ABCC5: variants seen among roughly 807,000 people sequenced by gnomAD.
The protein encoded by ABCC5 is ATP binding cassette subfamily C member 5.
A neutral mutation model predicts 160.9 loss-of-function variants in ABCC5; 61 were observed. The observed-to-expected ratio is 0.38, with a 90% CI of 0.31 to 0.47. The LOEUF (loss-of-function observed/expected upper bound fraction) is 0.47, where lower values mean the gene tolerates loss of function less well. Among genes scored for constraint, ABCC5 ranks in the 20% least tolerant of loss-of-function variants. The probability of loss-of-function intolerance (pLI) is 0.99; values close to 1 mark genes in which losing one functional copy is unlikely to be tolerated. For synonymous variants in ABCC5, 666 were observed against 700.6 expected (o/e 0.95, Z 0.78); for missense variants, 1,308 against 1,813.3 (o/e 0.72, Z 5.06).
intron 24 of ABCC5, among the ~76,000 whole-genome samples, chr3:183,944,129 C>T (rs1271001987): frequency 6.6e-6 from 1 of 152,202 alleles, no homozygotes; most frequent in Non-Finnish European, 1.5e-5. Flanking sequence ...ACTATGGCTC[C>T]TGTCTATAAT....
chr3:183,932,299 T>C (rs2108766690), intron 26 of ABCC5, among the ~76,000 whole-genome samples: 2 of 152,212 alleles, frequency 1.3e-5, no homozygotes, highest in African/African-American at 4.8e-5. Flanking sequence ...TCAGATTAGG[T>C]GAAAAAAGTT....
intron 2 of ABCC5, among the ~76,000 whole-genome samples, chr3:183,996,271 C>A (rs1720277701): frequency 6.6e-6 from 1 of 152,146 alleles, no homozygotes; most frequent in Non-Finnish European, 1.5e-5. Flanking sequence ...TTACCGAGTG[C>A]CTCCGATCTG....
chr3:183,938,156 T>C, intron 25 of ABCC5, 96 bp from the exon 26 acceptor site: 2 of 1,247,158 alleles, frequency 1.6e-6, no homozygotes, highest in Non-Finnish European at 2.3e-6. Context: ...TATTTTTCCA[T>C]TTCTATTCAG....
chr3:184,005,832 A>G (rs2108909593), intron 2 of ABCC5, among the ~76,000 whole-genome samples: 1 of 152,228 alleles, frequency 6.6e-6, no homozygotes, highest in East Asian at 1.9e-4. Context: ...CTGTGGAAAC[A>G]ATATTTCATT....
intron 5 of ABCC5, chr3:183,983,344 C>T (rs1352789866): frequency 3.2e-6 from 1 of 316,236 alleles, no homozygotes; most frequent in African/African-American, 2.1e-5. Context: ...AGTATCTCCA[C>T]ACATGGATAC....
intron 10 of ABCC5, among the ~76,000 whole-genome samples, chr3:183,973,573 A>G (rs964304309): frequency 6.6e-6 from 1 of 152,002 alleles, no homozygotes; most frequent in Non-Finnish European, 1.5e-5. Context: ...CCTCTCCCCA[A>G]AAACAAACCC....
rs766373469 is a variant in ABCC5, at chr3:183,982,825, T to C, written c.774A>G (p.Ala258=). The change falls in exon 6 of 30, where the codon GCA becomes GCG. Residue 258 remains alanine (A), a synonymous_variant. Transcript: ENST00000334444. The surrounding 1 kb of genome is among the most constrained non-coding windows in gnomAD (Gnocchi z 5.2). ...TCTTTAACTTAAGGATCTTCTTAAATGCCATGGTTAGGATGGCCCCCCGCA... is the reference window on the plus strand; with the variant it reads ...TCTTTAACTTAAGGATCTTCTTAAACGCCATGGTTAGGATGGCCCCCCGCA... ...VRLRGAILTM[A]FKKILKLKNI... 53 of 1,614,102 alleles carry C rather than the reference T, an allele frequency of 3.3e-5. No homozygotes were observed. The highest frequency in any genetic ancestry group is 4.3e-5 in the Non-Finnish European group (51 of 1,180,046).
At position 183,920,717 on chromosome 3, in the gene ABCC5, C is replaced by T. The variant is rs1711892461; in HGVS notation, c.*583G>A. 6.5e-6 allele frequency: 1 copy of T among 152,710 alleles called. No individual in the cohort carries two copies. Among genetic ancestry groups the T allele is most frequent in the South Asian group, 2.1e-4 (1 of 4,822 alleles). The allele number at this position is 152,710 out of a possible 1,614,324, so 9.5% of individuals were successfully genotyped here. A position where few individuals can be genotyped will look rare whatever the true frequency, so the allele number is the denominator to read the frequency against. ...CCGTCTCCAGCCACCCCTGGAGCGG[C>T]CGTGGGGAGGCGGCAGAGGGGGCTG... On this transcript the variant is annotated 3_prime_UTR_variant, in exon 30 of 30. Coordinates refer to ENST00000334444, the MANE Select transcript of ABCC5 (RefSeq NM_005688.4). The surrounding 1 kb of genome is among the most constrained non-coding windows in gnomAD (Gnocchi z 4.1).
At chr3:183,970,647 G>A (rs1717655006) in intron 11 of ABCC5, among the ~76,000 whole-genome samples, 1 of 152,078 alleles carries the variant, frequency 6.6e-6, no homozygotes, top group Non-Finnish European at 1.5e-5. Context: ...ATATTGGCCA[G>A]GCTGGTCTTG....
At chr3:183,970,111 C>T (rs1717598248) in intron 11 of ABCC5, among the ~76,000 whole-genome samples, 1 of 152,200 alleles carries the variant, frequency 6.6e-6, no homozygotes, top group African/African-American at 2.4e-5. Context: ...GCTGTGAATC[C>T]TCCAAAGGCT....
At chr3:183,946,516 A>AT (rs1403768747) in intron 23 of ABCC5, among the ~76,000 whole-genome samples, 1 of 152,162 alleles carries the variant, frequency 6.6e-6, no homozygotes, top group Non-Finnish European at 1.5e-5. Flanking sequence ...TTGACTATTT[A>AT]TTTTTATCTT....
chr3:183,960,869 T>A (rs887192889), intron 16 of ABCC5, among the ~76,000 whole-genome samples: 1 of 151,998 alleles, frequency 6.6e-6, no homozygotes, highest in African/African-American at 2.4e-5. Flanking sequence ...CACTGCAACC[T>A]CTGCCTCCTG....
chr3:184,016,901 T>G (rs536869620), intron 1 of ABCC5, among the ~76,000 whole-genome samples: 94 of 152,194 alleles, frequency 6.2e-4, no homozygotes, highest in Middle Eastern at 3.2e-3. Context: ...ACCAGACTGG[T>G]GTGTGCAAGC....
At chr3:183,995,816 G>T (rs1720227655) in intron 2 of ABCC5, among the ~76,000 whole-genome samples, 1 of 150,924 alleles carries the variant, frequency 6.6e-6, no homozygotes. Flanking sequence ...TCTTGTTGTT[G>T]TTTTTTTTTA....
chr3:183,946,005 G>T (rs1054277435), intron 23 of ABCC5, 66 bp from the exon 24 acceptor site: 8 of 1,433,696 alleles, frequency 5.6e-6, no homozygotes, highest in Admixed American at 1.7e-5. Context: ...CAATGCTGGA[G>T]AACTTCCTTC....
At position 183,963,330 on chromosome 3, in the gene ABCC5, C is replaced by T; in HGVS notation, c.2235+55G>A. On this transcript the variant is annotated intron_variant, in intron 15 of 29. Coordinates refer to ENST00000334444, the MANE Select transcript of ABCC5 (RefSeq NM_005688.4). This position sits in a 1 kb window ranked among gnomAD's most constrained non-coding sequence, Gnocchi z 4.6. ...AGGATACCTGGAGCAAACCTACCTC[C>T]CTGTTTCTGATTTCCCAAACTCAGG... The T allele has an allele frequency of 1.9e-6, 3 of 1,580,430 alleles. No individual in the cohort carries two copies. The African/African-American group carries it at 4.0e-5, about 21-fold the overall frequency.
chr3:183,966,085 G>C (rs909168861), intron 12 of ABCC5, among the ~76,000 whole-genome samples: 2 of 152,188 alleles, frequency 1.3e-5, no homozygotes. Context: ...GGTTTGATAT[G>C]AATTGACTTA....
intron 10 of ABCC5, among the ~76,000 whole-genome samples, chr3:183,975,390 G>A (rs1463387613): frequency 1.3e-5 from 2 of 152,032 alleles, no homozygotes; most frequent in Admixed American, 6.6e-5. Context: ...TGCCCAGGCT[G>A]GAGTGCAGTG....
Position 183,964,088 on chromosome 3 carries a change from T to C in ABCC5, c.2032-500A>G, listed in dbSNP as rs139372248. On this transcript the variant is annotated intron_variant, in intron 14 of 29. Coordinates refer to ENST00000334444, the MANE Select transcript of ABCC5 (RefSeq NM_005688.4). The stretch of plus-strand genomic sequence containing the variant: ...CCTAAGCCATTTGAAATTATGTGTA[T>C]ACTATGAACATGACAATGTCATGTG... Among the ~76,000 whole-genome samples the C allele has an allele frequency of 1.7e-3, 252 of 152,336 alleles. 1 individual carries two copies. Among genetic ancestry groups the C allele is most frequent in the African/African-American group, 5.8e-3 (243 of 41,558 alleles).
Sources: gnomAD v4.1 joint callset for allele counts (sites outside exome capture counted in the v4.1 genomes callset) on GRCh38, gnomAD v4.1.1 for gene constraint, Gnocchi (gnomAD v3.1) non-coding constraint, MANE v1.5 for transcripts, NCBI Gene and HGNC (gene_info 2026-07-23, HGNC 2026-07-21) for gene names.